Variants in BLTP3A observed in about 807,000 individuals in gnomAD.
BLTP3A encodes the protein ICBP90 binding protein 1.
chr6:34,810,098 T>TGGC, the BLTP3A span, among the ~76,000 whole-genome samples: 1 of 152,250 alleles, frequency 6.6e-6, no homozygotes, highest in Non-Finnish European at 1.5e-5. Context: ...GTTTCTGAAG[T>TGGC]GGCGGATACC....
chr6:34,829,400 A>G, the BLTP3A span, among the ~76,000 whole-genome samples: 3 of 152,212 alleles, frequency 2.0e-5, no homozygotes, highest in Non-Finnish European at 4.4e-5. Context: ...AGGTTCAGGC[A>G]TGTTCAGGCA....
At chr6:34,812,758 A>G in the BLTP3A span, among the ~76,000 whole-genome samples, 1 of 152,140 alleles carries the variant, frequency 6.6e-6, no homozygotes, top group Non-Finnish European at 1.5e-5. Context: ...CTGACCAATG[A>G]AGAAGTTTTG....
At chr6:34,804,425 G>C in the BLTP3A span, among the ~76,000 whole-genome samples, 1 of 152,144 alleles carries the variant, frequency 6.6e-6, no homozygotes, top group Non-Finnish European at 1.5e-5. Flanking sequence ...CTGCCAGTAG[G>C]TCTGTAAGCA....
the BLTP3A span, among the ~76,000 whole-genome samples, chr6:34,866,956 C>G: frequency 6.6e-6 from 1 of 152,100 alleles, no homozygotes; most frequent in Non-Finnish European, 1.5e-5. Flanking sequence ...TATTTATATA[C>G]CACATTGCTT....
chr6:34,859,601 C>A, the BLTP3A span: 1 of 1,608,538 alleles, frequency 6.2e-7, no homozygotes, highest in Non-Finnish European at 8.5e-7. Flanking sequence ...CTTCACTCAT[C>A]CCATCTCCTT....
the BLTP3A span, among the ~76,000 whole-genome samples, chr6:34,807,936 G>C: frequency 3.8e-3 from 572 of 152,218 alleles, 30 homozygotes; most frequent in East Asian, 0.1. Context: ...AGCTACTCAG[G>C]AAGCTGAGGT....
the BLTP3A span, chr6:34,823,272 G>A: frequency 6.2e-7 from 1 of 1,614,094 alleles, no homozygotes; most frequent in African/African-American, 1.3e-5. Context: ...GGATAAGGTA[G>A]AGGTGGAGAT....
chr6:34,799,968 A>G, the BLTP3A span, among the ~76,000 whole-genome samples: 4 of 151,828 alleles, frequency 2.6e-5, no homozygotes, highest in African/African-American at 9.7e-5. Flanking sequence ...TTCTTTAGAC[A>G]TTTAGATATT....
the BLTP3A span, among the ~76,000 whole-genome samples, chr6:34,845,219 A>G: frequency 1.3e-5 from 2 of 152,190 alleles, no homozygotes; most frequent in Middle Eastern, 3.4e-3. Flanking sequence ...ATTGGTCTAT[A>G]TGTCTGTTTT....
chr6:34,873,156 C>T, the BLTP3A span: 2 of 152,214 alleles, frequency 1.3e-5, no homozygotes, highest in Admixed American at 6.5e-5. Flanking sequence ...TTAATCTTTC[C>T]CCTCTATAAT....
At chr6:34,863,208 G>A in the BLTP3A span, among the ~76,000 whole-genome samples, 21 of 152,110 alleles carry the variant, frequency 1.4e-4, no homozygotes, top group African/African-American at 5.1e-4. Flanking sequence ...CGCCCGGCCT[G>A]AGTTTTTCTT....
chr6:34,866,793 T>G, the BLTP3A span, among the ~76,000 whole-genome samples: 1 of 152,216 alleles, frequency 6.6e-6, no homozygotes, highest in East Asian at 1.9e-4. Flanking sequence ...TTTTTATAAA[T>G]TTGCCTACTT....
chr6:34,866,700 G>T, the BLTP3A span, among the ~76,000 whole-genome samples: 1 of 152,032 alleles, frequency 6.6e-6, no homozygotes, highest in African/African-American at 2.4e-5. Flanking sequence ...TTTTCTTCTT[G>T]CGAAACAGAA....
chr6:34,855,784 T>G, the BLTP3A span: 1 of 1,593,748 alleles, frequency 6.3e-7, no homozygotes, highest in Non-Finnish European at 8.6e-7. Context: ...CCCTGACCGC[T>G]TAACAGGAGG....
chr6:34,852,655 A>G, the BLTP3A span, among the ~76,000 whole-genome samples: 3 of 151,178 alleles, frequency 2.0e-5, no homozygotes, highest in Admixed American at 2.0e-4. Flanking sequence ...TGATGCAAGC[A>G]TTCCTTTGGC....
the BLTP3A span, among the ~76,000 whole-genome samples, chr6:34,811,574 A>G: frequency 6.6e-6 from 1 of 152,136 alleles, no homozygotes; most frequent in Non-Finnish European, 1.5e-5. Context: ...AAAGTGTTTA[A>G]AAAAAGGCCA....
At chr6:34,869,737 C>T in the BLTP3A span, among the ~76,000 whole-genome samples, 156 of 148,438 alleles carry the variant, frequency 1.1e-3, no homozygotes, top group Non-Finnish European at 1.7e-3. Context: ...CTGCAACCTC[C>T]GCCTCCCGGG....
chr6:34,847,921 C>CTTTTTTTT, the BLTP3A span, among the ~76,000 whole-genome samples: 3 of 91,150 alleles, frequency 3.3e-5, no homozygotes, highest in Admixed American at 1.2e-4. Flanking sequence ...TCTTTTTTTC[C>CTTTTTTTT]TTTTTTTTTT....
chr6:34,793,605 A>C, the BLTP3A span, among the ~76,000 whole-genome samples: 84 of 152,342 alleles, frequency 5.5e-4, no homozygotes, highest in African/African-American at 2.0e-3. Context: ...GAAAAAGCAC[A>C]TTGGAGGCTG....
Sources: gnomAD v4.1 joint callset for allele counts (sites outside exome capture counted in the v4.1 genomes callset) on GRCh38, gnomAD v4.1.1 for gene constraint, MANE v1.5 for transcripts, NCBI Gene and HGNC (gene_info 2026-07-23, HGNC 2026-07-21) for gene names.